ARMC8: variants seen among roughly 807,000 people sequenced by gnomAD.
ARMC8 encodes the protein armadillo repeat-containing protein 8.
ARMC8 carries 20 observed loss-of-function variants against 99.3 expected under a neutral mutation model. That is an observed-to-expected ratio of 0.20 (90% CI 0.14 to 0.29). The LOEUF (loss-of-function observed/expected upper bound fraction) is 0.29, where lower values mean the gene tolerates loss of function less well. ARMC8 is among the 10% of genes least tolerant of loss of function. The probability of loss-of-function intolerance (pLI) is 1.00; values close to 1 mark genes in which losing one functional copy is unlikely to be tolerated. For synonymous variants in ARMC8, 263 were observed against 278.3 expected, an observed-to-expected ratio of 0.95 and a Z score of 0.55; for missense variants, 569 against 809.5, an observed-to-expected ratio of 0.70 and a Z score of 3.60.
At chr3:138,199,682 A>G (rs1454747630) in intron 1 of ARMC8, among the ~76,000 whole-genome samples, 5 of 152,340 alleles carry the variant, frequency 3.3e-5, no homozygotes, top group Admixed American at 2.0e-4. Flanking sequence ...ACGAAGGGGA[A>G]GACGTGATTT....
chr3:138,240,766 C>G (rs1399062709), intron 10 of ARMC8, among the ~76,000 whole-genome samples: 1 of 152,194 alleles, frequency 6.6e-6, no homozygotes, highest in Non-Finnish European at 1.5e-5. Context: ...GGAAGACTTT[C>G]TATAATGATA....
chr3:138,241,257 C>CT (rs754122317), intron 10 of ARMC8, among the ~76,000 whole-genome samples: 2 of 152,152 alleles, frequency 1.3e-5, no homozygotes, highest in Non-Finnish European at 2.9e-5. Context: ...CTGGTGGAAT[C>CT]TGAGTAATGG....
At position 138,209,797 on chromosome 3, in the gene ARMC8, T is replaced by A; in HGVS notation, c.46-20T>A. The A allele has an allele frequency of 6.2e-7, 1 of 1,609,248 alleles. No homozygotes were observed. Among genetic ancestry groups the A allele is most frequent in the Non-Finnish European group, 8.5e-7 (1 of 1,176,040 alleles). On this transcript the variant is annotated intron_variant, in intron 1 of 21. Coordinates refer to ENST00000469044, the MANE Select transcript of ARMC8 (RefSeq NM_001363941.2). ...ATTTGCATGGCTTCAGATGTCATAA[T>A]TTTTCCCCCCACTTTCTAGGAAGTA...
intron 5 of ARMC8, among the ~76,000 whole-genome samples, chr3:138,228,433 C>T (rs373602778): frequency 2.0e-5 from 3 of 152,116 alleles, no homozygotes; most frequent in East Asian, 3.8e-4. Flanking sequence ...TAAATTGTCT[C>T]GTCTTGTACA....
chr3:138,268,437 T>C (rs576461751), intron 15 of ARMC8, among the ~76,000 whole-genome samples: 1 of 152,250 alleles, frequency 6.6e-6, no homozygotes, highest in East Asian at 1.9e-4. Flanking sequence ...TCACAGCTGG[T>C]GTACCACCGT....
intron 12 of ARMC8, among the ~76,000 whole-genome samples, chr3:138,260,378 G>C (rs2047643311): frequency 6.6e-6 from 1 of 152,194 alleles, no homozygotes; most frequent in African/African-American, 2.4e-5. Flanking sequence ...TGAAGGCCCA[G>C]AGAGGTAAAT....
Position 138,264,149 on chromosome 3 carries a change from C to T in ARMC8, c.1236C>T (p.Ser412=), listed in dbSNP as rs1455969668. 2 of 1,613,580 alleles carry T rather than the reference C, an allele frequency of 1.2e-6. No individual in the cohort carries two copies. The highest frequency in any genetic ancestry group is 1.1e-5 in the South Asian group (1 of 91,070). Residue 412 remains serine, a synonymous_variant, in exon 14 of 22, where the codon TCC becomes TCT. Coordinates refer to ENST00000469044, the MANE Select transcript of ARMC8 (RefSeq NM_001363941.2). ...TTTGTAGATGTTTGCACAGTTTATC[C>T]AGATCTGTGCAGCAGCTTCGAACCA... ...LAAVRCLHSL[S]RSVQQLRTSF... is the part of the protein sequence containing the mutation.
intron 12 of ARMC8, chr3:138,246,287 T>C: frequency 1.0e-6 from 1 of 985,856 alleles, no homozygotes; most frequent in Non-Finnish European, 1.2e-6. Flanking sequence ...CCTCACTTTA[T>C]TTCAGTTAAC....
intron 1 of ARMC8, among the ~76,000 whole-genome samples, chr3:138,188,874 ATT>A (rs1334414575): frequency 2.0e-5 from 3 of 152,100 alleles, no homozygotes; most frequent in African/African-American, 7.2e-5. Context: ...TTTAGCAGTC[ATT>A]TTTTCTTATT....
intron 1 of ARMC8, among the ~76,000 whole-genome samples, chr3:138,191,896 A>G (rs532703241): frequency 5.3e-5 from 8 of 152,282 alleles, no homozygotes; most frequent in African/African-American, 1.7e-4. Context: ...TCGTTTAACC[A>G]TTTACCTGTT....
At position 138,237,392 on chromosome 3, in the gene ARMC8, G is replaced by A; in HGVS notation, c.685+8G>A. 2 of 1,612,836 alleles carry A rather than the reference G, an allele frequency of 1.2e-6. No homozygotes were observed. The highest frequency in any genetic ancestry group is 1.7e-6 in the Non-Finnish European group (2 of 1,179,226). ...CGATGACCCTGGTAAATGGTAGGCT[G>A]GAGCTTTCAGTGGCACCTACATGAT... On this transcript the variant is annotated splice_region_variant and intron_variant, in intron 8 of 21. Coordinates refer to ENST00000469044, the MANE Select transcript of ARMC8 (RefSeq NM_001363941.2).
intron 12 of ARMC8, among the ~76,000 whole-genome samples, chr3:138,259,866 T>C (rs2047598771): frequency 6.6e-6 from 1 of 152,208 alleles, no homozygotes; most frequent in Non-Finnish European, 1.5e-5. Context: ...CTGTCCTAGA[T>C]TGTAAAATTC....
At chr3:138,221,433 TAAC>T (rs1480376171) in intron 2 of ARMC8, among the ~76,000 whole-genome samples, 1 of 151,338 alleles carries the variant, frequency 6.6e-6, no homozygotes. Context: ...CATTGGAAAA[TAAC>T]AAAGGAGTAC....
In ARMC8 at chr3:138,276,153, C is replaced by T. The variant is rs144293580; in HGVS notation, c.1725+1609C>T. Among the ~76,000 whole-genome samples, 649 of 152,288 alleles carry T rather than the reference C, an allele frequency of 4.3e-3. 3 individuals are homozygous for T. Among genetic ancestry groups the T allele is most frequent in the African/African-American group, 0.015 (611 of 41,556 alleles). ...TTTGCAGGACACAAAGGAACTTTCT[C>T]ATACAGATTTTGGAAGTGATCTGGA... On this transcript the variant is annotated intron_variant, in intron 18 of 21. Coordinates refer to ENST00000469044, the MANE Select transcript of ARMC8 (RefSeq NM_001363941.2).
intron 19 of ARMC8, among the ~76,000 whole-genome samples, chr3:138,286,088 C>T (rs901578726): frequency 6.6e-6 from 1 of 152,080 alleles, no homozygotes; most frequent in Admixed American, 6.6e-5. Context: ...GGATTACAGG[C>T]GCGGCACTAT....
chr3:138,245,200 G>T lies in ARMC8; in HGVS notation c.1134+17G>T. 1 of 1,614,186 alleles carries T rather than the reference G, an allele frequency of 6.2e-7. No homozygotes were observed. Among genetic ancestry groups the T allele is most frequent in the South Asian group, 1.1e-5 (1 of 91,086 alleles). On this transcript the variant is annotated intron_variant, in intron 12 of 21. Coordinates refer to ENST00000469044, the MANE Select transcript of ARMC8 (RefSeq NM_001363941.2). The stretch of plus-strand genomic sequence containing the variant: ...CGGAAGAAGGTGAGTCTGGGAGAGG[G>T]GCGTCCCCCAGTCCTGACAGCCAGC...
At chr3:138,246,740 A>G (rs1248048711) in intron 12 of ARMC8, 7 of 985,376 alleles carry the variant, frequency 7.1e-6, no homozygotes, top group Non-Finnish European at 8.4e-6. Context: ...TTGTGATATC[A>G]TGTTCTAGAA....
At chr3:138,197,827 G>A (rs990166005) in intron 1 of ARMC8, among the ~76,000 whole-genome samples, 2 of 152,310 alleles carry the variant, frequency 1.3e-5, no homozygotes, top group Admixed American at 6.5e-5. Flanking sequence ...AAGAGTAAAT[G>A]AATTGAATTT....
intron 1 of ARMC8, among the ~76,000 whole-genome samples, chr3:138,203,296 TC>T (rs1419139497): frequency 6.6e-6 from 1 of 152,210 alleles, no homozygotes; most frequent in Non-Finnish European, 1.5e-5. Flanking sequence ...GTAACAAATT[TC>T]CCCAAAACTT....
Sources: gnomAD v4.1 joint callset for allele counts (sites outside exome capture counted in the v4.1 genomes callset) on GRCh38, gnomAD v4.1.1 for gene constraint, MANE v1.5 for transcripts, NCBI Gene and HGNC (gene_info 2026-07-23, HGNC 2026-07-21) for gene names.